MARCHF1: variants seen among roughly 807,000 people sequenced by gnomAD.
The protein encoded by MARCHF1 is membrane associated ring-CH-type finger 1.
MARCHF1 carries 40 observed loss-of-function variants against 54.2 expected under a neutral mutation model. The ratio of observed to expected loss-of-function variants is 0.74; its 90% CI spans 0.57 to 0.96. MARCHF1 has a LOEUF of 0.96. Ranked by LOEUF, MARCHF1 falls within the 40% of genes least tolerant of loss-of-function variation. The probability of loss-of-function intolerance (pLI) is 0.00; values close to 1 mark genes in which losing one functional copy is unlikely to be tolerated. For synonymous variants in MARCHF1, 236 were observed against 236.3 expected (o/e 1.00, Z 0.01); for missense variants, 586 against 656.5 (o/e 0.89, Z 1.17).
chr4:164,319,197 C>T (rs75458699), intron 1 of MARCHF1, among the ~76,000 whole-genome samples: 22,181 of 152,080 alleles, frequency 0.15, 2,473 homozygotes, highest in East Asian at 0.42. Flanking sequence ...CCATATAACA[C>T]AGCAAATCTT....
chr4:164,188,525 G>A, intron 1 of MARCHF1: 2 of 712,448 alleles, frequency 2.8e-6, no homozygotes, highest in African/African-American at 1.7e-5. Context: ...GACCGGCTGC[G>A]TGGAGATCAC....
intron 2 of MARCHF1, among the ~76,000 whole-genome samples, chr4:164,045,641 A>G (rs1754226865): frequency 6.6e-6 from 1 of 151,286 alleles, no homozygotes. Context: ...TTGTTTGGAG[A>G]AATCATGGCA....
At chr4:164,116,699 A>C (rs1456812558) in intron 1 of MARCHF1, among the ~76,000 whole-genome samples, 1 of 152,104 alleles carries the variant, frequency 6.6e-6, no homozygotes, top group African/African-American at 2.4e-5. Context: ...AACACCATAC[A>C]TAGAAAGCAT....
At chr4:163,763,852 T>G (rs1227828605) in intron 4 of MARCHF1, among the ~76,000 whole-genome samples, 2 of 152,076 alleles carry the variant, frequency 1.3e-5, no homozygotes, top group East Asian at 3.8e-4. Flanking sequence ...ATAGGTAAAT[T>G]AAATCAAAGA....
At chr4:164,264,613 A>G (rs9684018) in intron 1 of MARCHF1, among the ~76,000 whole-genome samples, 18,103 of 152,096 alleles carry the variant, frequency 0.12, 1,697 homozygotes, top group African/African-American at 0.26. Context: ...GTAAAAGTCC[A>G]CATTGAGATA....
intron 1 of MARCHF1, among the ~76,000 whole-genome samples, chr4:164,220,628 T>C (rs1732075766): frequency 6.8e-6 from 1 of 146,054 alleles, no homozygotes; most frequent in Admixed American, 7.0e-5. Flanking sequence ...TGCATATATG[T>C]AATATATATG....
chr4:163,664,027 G>A (rs1743440972), intron 5 of MARCHF1, among the ~76,000 whole-genome samples: 1 of 151,964 alleles, frequency 6.6e-6, no homozygotes, highest in East Asian at 1.9e-4. Flanking sequence ...CTAACTGGAG[G>A]TTGGACACTG....
chr4:163,547,936 ATAT>A (rs1357702266), intron 8 of MARCHF1, among the ~76,000 whole-genome samples: 1 of 152,218 alleles, frequency 6.6e-6, no homozygotes, highest in Non-Finnish European at 1.5e-5. Flanking sequence ...CTATATTTAT[ATAT>A]TATTCCAAGC....
intron 8 of MARCHF1, among the ~76,000 whole-genome samples, chr4:163,573,510 T>C (rs1182979285): frequency 4.6e-5 from 6 of 131,224 alleles, no homozygotes; most frequent in Admixed American, 9.0e-5. Flanking sequence ...CCCCTTCCTG[T>C]GTCCATGTGA....
intron 5 of MARCHF1, among the ~76,000 whole-genome samples, chr4:163,691,098 G>A (rs1744435148): frequency 6.6e-6 from 1 of 152,170 alleles, no homozygotes; most frequent in Admixed American, 6.5e-5. Context: ...CATCCTGAGG[G>A]ATTTAGCTCC....
intron 1 of MARCHF1, among the ~76,000 whole-genome samples, chr4:164,236,931 A>G (rs919397049): frequency 3.3e-5 from 5 of 152,226 alleles, no homozygotes; most frequent in African/African-American, 1.2e-4. Flanking sequence ...TTCTCTGGTC[A>G]TTGTCTATCT....
intron 1 of MARCHF1, among the ~76,000 whole-genome samples, chr4:164,169,221 A>G (rs1331246400): frequency 3.3e-5 from 5 of 152,266 alleles, no homozygotes; most frequent in East Asian, 1.9e-4. Flanking sequence ...TTAAAAAATT[A>G]AAGTAAACTT....
chr4:163,677,730 T>C (rs1743964479), intron 5 of MARCHF1, among the ~76,000 whole-genome samples: 1 of 152,218 alleles, frequency 6.6e-6, no homozygotes, highest in Non-Finnish European at 1.5e-5. Context: ...AAAAGCCCTA[T>C]TGAGGACTAC....
chr4:163,875,096 T>C (rs867494378), intron 3 of MARCHF1, among the ~76,000 whole-genome samples: 1 of 152,198 alleles, frequency 6.6e-6, no homozygotes, highest in African/African-American at 2.4e-5. Flanking sequence ...TTAATTCTGG[T>C]CAGTTAAGGA....
chr4:163,945,650 A>G (rs549430221), intron 3 of MARCHF1, among the ~76,000 whole-genome samples: 2 of 152,324 alleles, frequency 1.3e-5, no homozygotes, highest in African/African-American at 4.8e-5. Flanking sequence ...TTGCATATGA[A>G]TTTAATTGAA....
intron 1 of MARCHF1, among the ~76,000 whole-genome samples, chr4:164,213,527 G>A (rs1373778308): frequency 6.6e-6 from 1 of 151,810 alleles, no homozygotes; most frequent in African/African-American, 2.4e-5. Flanking sequence ...GAGCCATCAC[G>A]CCTGGCCTGG....
intron 4 of MARCHF1, among the ~76,000 whole-genome samples, chr4:163,831,898 C>G (rs2111096407): frequency 6.6e-6 from 1 of 152,274 alleles, no homozygotes; most frequent in African/African-American, 2.4e-5. Flanking sequence ...AGAAGGTCCT[C>G]ATACATGCAC....
intron 1 of MARCHF1, among the ~76,000 whole-genome samples, chr4:164,294,008 C>T (rs1306994056): frequency 2.0e-5 from 3 of 152,180 alleles, no homozygotes. Context: ...TAGAATAAAG[C>T]AGGCAGAGGA....
chr4:164,218,829 C>A (rs1292159910), intron 1 of MARCHF1, among the ~76,000 whole-genome samples: 3 of 149,072 alleles, frequency 2.0e-5, no homozygotes, highest in African/African-American at 7.4e-5. Context: ...TGCACATGTA[C>A]CCGAAAACTT....
Sources: allele counts gnomAD v4.1 joint callset (sites outside exome capture counted in the v4.1 genomes callset), GRCh38; gene constraint gnomAD v4.1.1; transcripts MANE v1.5; gene names NCBI Gene and HGNC (gene_info 2026-07-23, HGNC 2026-07-21).